DOP1B: variants seen among roughly 807,000 people sequenced by gnomAD.
DOP1B encodes protein DOP1B.
DOP1B carries 174 observed loss-of-function variants against 233.5 expected under a neutral mutation model. That is an observed-to-expected ratio of 0.75 (90% CI 0.66 to 0.85). The LOEUF (loss-of-function observed/expected upper bound fraction) is 0.85. Among genes scored for constraint, DOP1B ranks in the 40% least tolerant of loss-of-function variants. The pLI is 0.00. For missense variants in DOP1B, 2,652 were observed against 2,846.6 expected (o/e 0.93, Z 1.56); for synonymous variants, 1,190 against 1,185.6 (o/e 1.00, Z -0.08).
chr21:36,211,952 A>C, intron 6 of DOP1B, 22 bp from the exon 7 acceptor site: 1 of 1,613,590 alleles, frequency 6.2e-7, no homozygotes, highest in Non-Finnish European at 8.5e-7. Context: ...CCTTGCAGTA[A>C]ATTTCTCTGT....
intron 2 of DOP1B, among the ~76,000 whole-genome samples, chr21:36,172,840 G>A (rs1568998951): frequency 6.6e-6 from 1 of 151,884 alleles, no homozygotes; most frequent in Admixed American, 6.6e-5. Flanking sequence ...AGAGTTGGGC[G>A]GGGCGCAGTA....
In DOP1B at chr21:36,253,782, C is replaced by T. The variant is rs146739447; in HGVS notation, c.5132C>T (p.Thr1711Met). Residue 1711 changes from threonine (T) to methionine (M), a missense_variant, in exon 23 of 37, where the codon ACG becomes ATG. Physicochemically the swap from Thr to Met is moderately conservative, Grantham distance 81 (BLOSUM62 -1). This residue lies in a region of DOP1B where 2,617 missense variants were observed against 2,794.3 expected (regional missense o/e 0.94). Coordinates refer to ENST00000691173, the MANE Select transcript of DOP1B (RefSeq NM_001320714.2). The part of the protein sequence containing the change: ...QRHSKMKIIP[T>M]ASASQLTLVD... ...TTTTTTTCTTGGCAGATTATCCCAA[C>T]GGCAAGTGCATCCCAGCTAACCCTT... 84 of 1,610,808 alleles carry T rather than the reference C, an allele frequency of 5.2e-5. No individual in the cohort carries two copies. The highest frequency in any genetic ancestry group is 4.9e-4 in the Admixed American group (29 of 59,472).
intron 2 of DOP1B, among the ~76,000 whole-genome samples, chr21:36,198,025 A>G (rs1008445131): frequency 3.3e-5 from 5 of 151,866 alleles, no homozygotes; most frequent in Non-Finnish European, 7.4e-5. Flanking sequence ...GTCTCAAAAA[A>G]AAAAAAAAAA....
chr21:36,172,946 C>T (rs1286149963), intron 2 of DOP1B, among the ~76,000 whole-genome samples: 1 of 151,998 alleles, frequency 6.6e-6, no homozygotes, highest in Non-Finnish European at 1.5e-5. Flanking sequence ...TGGTGAAACC[C>T]TGTCTCTATT....
Position 36,294,227 on chromosome 21 carries a change from T to C in DOP1B, c.*656T>C, listed in dbSNP as rs1227247401. The C allele has an allele frequency of 6.6e-6, 1 of 152,636 alleles. No homozygotes were observed. Among genetic ancestry groups the C allele is most frequent in the African/African-American group, 2.4e-5 (1 of 41,452 alleles). The allele number at this position is 152,636 out of a possible 1,614,324, so 9.5% of individuals were successfully genotyped here. A position where few individuals can be genotyped will look rare whatever the true frequency, so the allele number is the denominator to read the frequency against. Reference sequence around the variant, plus strand: ...GGTCTTTCTCAGTATATTTCTCTTTTCTCTAAAAGTTTAAACTTATTAAAA... The same window carrying C: ...GGTCTTTCTCAGTATATTTCTCTTTCCTCTAAAAGTTTAAACTTATTAAAA... On this transcript the variant is annotated 3_prime_UTR_variant, in exon 37 of 37. Coordinates refer to ENST00000691173, the MANE Select transcript of DOP1B (RefSeq NM_001320714.2).
rs1569048609 is a variant in DOP1B at position 36,246,550 on chromosome 21, A to G, written c.4570A>G (p.Thr1524Ala). Reference sequence around the variant, plus strand: ...GCATCCGGCCTGGGTGAGCTTGGTCACGCATTCCTTGCCCTACTTCGGAAA... The same window carrying G: ...GCATCCGGCCTGGGTGAGCTTGGTCGCGCATTCCTTGCCCTACTTCGGAAA... ...GMHPAWVSLVTHSLPYFGKSL... is the reference protein window; with the variant it reads ...GMHPAWVSLVAHSLPYFGKSL... Residue 1524 changes from threonine (T) to alanine (A), a missense_variant, in exon 19 of 37, where the codon ACG becomes GCG. This residue lies in a region of DOP1B where 2,617 missense variants were observed against 2,794.3 expected (regional missense o/e 0.94). Transcript: ENST00000691173. This position sits in a 1 kb window ranked among gnomAD's most constrained non-coding sequence, Gnocchi z 5.1. The G allele has an allele frequency of 1.2e-6, 2 of 1,614,168 alleles. No homozygotes were observed. The highest frequency in any genetic ancestry group is 1.7e-6 in the Non-Finnish European group (2 of 1,180,026).
chr21:36,226,416 G>A (rs1331582585), intron 12 of DOP1B, among the ~76,000 whole-genome samples: 1 of 151,608 alleles, frequency 6.6e-6, no homozygotes, highest in Non-Finnish European at 1.5e-5. Context: ...TCCTGCCTCG[G>A]CCTCCCAGGT....
At chr21:36,167,622 T>C (rs948536913) in intron 2 of DOP1B, among the ~76,000 whole-genome samples, 1 of 152,254 alleles carries the variant, frequency 6.6e-6, no homozygotes, top group African/African-American at 2.4e-5. Flanking sequence ...ATGTTTACCA[T>C]GTTGTGTAAC....
At chr21:36,239,721 A>AG in intron 17 of DOP1B, 44 bp from the exon 18 acceptor site, 1 of 1,489,438 alleles carries the variant, frequency 6.7e-7, no homozygotes, top group Non-Finnish European at 9.0e-7. Flanking sequence ...CCTGGCGCAC[A>AG]GGGGTGGCTG....
chr21:36,235,866 G>A (rs34216270), intron 15 of DOP1B, among the ~76,000 whole-genome samples: 6 of 147,808 alleles, frequency 4.1e-5, no homozygotes, highest in East Asian at 2.1e-4. Context: ...AGGAAGTCGG[G>A]GGGGGGGCGG....
At position 36,281,506 on chromosome 21, in the gene DOP1B, C is replaced by G. The variant is rs755363922; in HGVS notation, c.6055C>G (p.Leu2019Val). The G allele has an allele frequency of 6.9e-6, 11 of 1,605,144 alleles. No homozygotes were observed. The East Asian group carries it at 2.5e-4, about 36-fold the overall frequency. Residue 2019 changes from leucine to valine, a missense_variant, in exon 32 of 37, where the codon CTA (leucine) becomes GTA (valine). This residue lies in a region of DOP1B where 2,617 missense variants were observed against 2,794.3 expected (regional missense o/e 0.94). Transcript: ENST00000691173. ...AGACATGCAGAGCAGTTCTTTGAAA[C>G]TATTCTCAAGTTTTGAACAGAAAGC... ...LMNMQSSSLK[L>V]FSSFEQKAML...
intron 2 of DOP1B, among the ~76,000 whole-genome samples, chr21:36,195,996 C>A (rs1041756139): frequency 3.3e-5 from 5 of 152,244 alleles, no homozygotes; most frequent in African/African-American, 1.2e-4. Context: ...TAATTCTATT[C>A]ATCTTGTTGG....
chr21:36,219,247 T>C (rs1247214787), intron 9 of DOP1B, 125 bp from the exon 10 acceptor site: 1 of 1,261,988 alleles, frequency 7.9e-7, no homozygotes, highest in Admixed American at 2.3e-5. Context: ...CTGTATATTT[T>C]AGACTATATA....
At chr21:36,259,803 C>T (rs372285872) in intron 23 of DOP1B, among the ~76,000 whole-genome samples, 1 of 152,114 alleles carries the variant, frequency 6.6e-6, no homozygotes, top group African/African-American at 2.4e-5. Context: ...ATAAAGGAAC[C>T]GGATTTTATC....
chr21:36,260,382 G>C (rs556527319), intron 23 of DOP1B, among the ~76,000 whole-genome samples: 1 of 152,096 alleles, frequency 6.6e-6, no homozygotes, highest in African/African-American at 2.4e-5. Flanking sequence ...TGGGAAGTTC[G>C]GTTACAGTGC....
chr21:36,288,350 A>G (rs1263352893), intron 33 of DOP1B, among the ~76,000 whole-genome samples, 200 bp downstream of exon 33: 1 of 152,216 alleles, frequency 6.6e-6, no homozygotes, highest in African/African-American at 2.4e-5. Context: ...CCTGTCAGTT[A>G]TTCCAACTAA....
At chr21:36,170,106 T>G in intron 2 of DOP1B, 1 of 615,684 alleles carries the variant, frequency 1.6e-6, no homozygotes. Context: ...CCTTCCCACG[T>G]TGCCTATTTC....
In DOP1B at chr21:36,164,756, T is replaced by G; in HGVS notation, c.23T>G (p.Leu8Arg). MDPEEQELLNDYRYRSYS... is the reference protein window; with the variant it reads MDPEEQERLNDYRYRSYS... ...AAGATGGATCCAGAAGAGCAGGAGCTCTTAAATGATTACAGATACAGAAGC... is the reference window on the plus strand; with the variant it reads ...AAGATGGATCCAGAAGAGCAGGAGCGCTTAAATGATTACAGATACAGAAGC... Residue 8 changes from leucine to arginine, a missense_variant, in exon 2 of 37, where the codon CTC becomes CGC. This residue lies in a region of DOP1B where 2,617 missense variants were observed against 2,794.3 expected (regional missense o/e 0.94). Transcript: ENST00000691173. 6.2e-7 allele frequency: 1 copy of G among 1,605,716 alleles called. No homozygotes were observed. The highest frequency in any genetic ancestry group is 8.5e-7 in the Non-Finnish European group (1 of 1,177,310).
At chr21:36,271,777 C>A (rs1365434993) in intron 27 of DOP1B, among the ~76,000 whole-genome samples, 5 of 151,926 alleles carry the variant, frequency 3.3e-5, no homozygotes, top group Non-Finnish European at 7.4e-5. Flanking sequence ...TGATAGAAAT[C>A]TGTGTGGGAT....
Sources: gnomAD v4.1 joint callset for allele counts (sites outside exome capture counted in the v4.1 genomes callset) on GRCh38, gnomAD v4.1.1 for gene constraint, gnomAD v4.1.1 regional missense constraint, Gnocchi (gnomAD v3.1) non-coding constraint, MANE v1.5 for transcripts, NCBI Gene and HGNC (gene_info 2026-07-23, HGNC 2026-07-21) for gene names.